LASP1: variants seen among roughly 807,000 people sequenced by gnomAD.
The protein encoded by LASP1 is LIM and SH3 domain protein 1.
A neutral mutation model predicts 38.6 loss-of-function variants in LASP1; 10 were observed. The ratio of observed to expected loss-of-function variants is 0.26; its 90% CI spans 0.16 to 0.44. LASP1 has a LOEUF of 0.44. Among genes scored for constraint, LASP1 ranks in the 20% least tolerant of loss-of-function variants. The probability of loss-of-function intolerance (pLI) is 1.00; values close to 1 mark genes in which losing one functional copy is unlikely to be tolerated. For synonymous variants in LASP1, 132 were observed against 140.8 expected, an observed-to-expected ratio of 0.94 and a Z score of 0.44; for missense variants, 243 against 375.7, an observed-to-expected ratio of 0.65 and a Z score of 2.92.
intron 4 of LASP1, among the ~76,000 whole-genome samples, chr17:38,910,715 C>T (rs948757564): frequency 7.3e-6 from 1 of 136,076 alleles, no homozygotes; most frequent in Non-Finnish European, 1.6e-5. Flanking sequence ...GAGTCAGACA[C>T]AGGTAGTCTG....
In LASP1 at chr17:38,919,706, T is replaced by C; in HGVS notation, c.*928T>C. ...TCTGGGTTAGGTGGCCGCTCCTCCCTGCTCCTCATGGGAAGATGTCTCAGA... is the reference window on the plus strand; with the variant it reads ...TCTGGGTTAGGTGGCCGCTCCTCCCCGCTCCTCATGGGAAGATGTCTCAGA... On this transcript the variant is annotated 3_prime_UTR_variant, in exon 7 of 7. Transcript: ENST00000318008. 2.6e-6 allele frequency: 1 copy of C among 380,752 alleles called. No homozygotes were observed. The highest frequency in any genetic ancestry group is 5.0e-6 in the Non-Finnish European group (1 of 198,772). 23.6% of individuals were successfully genotyped at this position (380,752 alleles called of 1,614,324 possible). A position where few individuals can be genotyped will look rare whatever the true frequency, so the allele number is the denominator to read the frequency against.
At position 38,920,116 on chromosome 17, in the gene LASP1, G is replaced by A. The variant is rs1400234245; in HGVS notation, c.*1338G>A. ...CAATCTGCCCTTTGCAGTGTGCAGG[G>A]TGGAAGGTAAGAGGTTGGTGTGGAG... On this transcript the variant is annotated 3_prime_UTR_variant, in exon 7 of 7. Coordinates refer to ENST00000318008, the MANE Select transcript of LASP1 (RefSeq NM_006148.4). 1.9e-6 allele frequency: 1 copy of A among 536,890 alleles called. No homozygotes were observed. The highest frequency in any genetic ancestry group is 1.5e-5 in the South Asian group (1 of 65,262). The allele number at this position is 536,890 out of a possible 1,614,324, so 33.3% of individuals were successfully genotyped here. A position where few individuals can be genotyped will look rare whatever the true frequency, so the allele number is the denominator to read the frequency against.
At chr17:38,914,848 T>A (rs1915068136) in intron 5 of LASP1, 195 bp from the exon 6 acceptor site, 2 of 609,688 alleles carry the variant, frequency 3.3e-6, no homozygotes, top group East Asian at 5.6e-5. Context: ...GGCCCCCAGG[T>A]CATGGGGCTC....
rs1214385228 is a variant in LASP1 at position 38,915,075 on chromosome 17, C to T, written c.541C>T (p.Gln181Ter). ...YQQPQQQPVA[Q>*]SYGGYKEPAA... ...GCAGCCCCAGCAGCAGCCGGTGGCC[C>T]AGTCCTATGGTGGCTACAAGGAGCC... Residue 181 changes from glutamine to a stop codon, truncating the protein, a stop_gained, in exon 6 of 7, where the codon CAG (glutamine) becomes TAG (stop). Coordinates refer to ENST00000318008, the MANE Select transcript of LASP1 (RefSeq NM_006148.4). LOFTEE classifies it high-confidence loss of function. 6.2e-7 allele frequency: 1 copy of T among 1,613,834 alleles called. No homozygotes were observed. Among genetic ancestry groups the T allele is most frequent in the Non-Finnish European group, 8.5e-7 (1 of 1,179,972 alleles).
intron 3 of LASP1, 148 bp downstream of exon 3, chr17:38,890,652 C>T (rs571273555): frequency 6.6e-5 from 47 of 708,094 alleles, no homozygotes; most frequent in Non-Finnish European, 9.8e-5. Flanking sequence ...AATCTTGACC[C>T]CACCCCTGAC....
chr17:38,875,427 A>G (rs1411632407), intron 1 of LASP1, among the ~76,000 whole-genome samples: 3 of 151,782 alleles, frequency 2.0e-5, no homozygotes, highest in East Asian at 1.9e-4. Context: ...GGTTCTGTCT[A>G]TTGGGTTATG....
At chr17:38,904,826 A>G (rs1355397808) in intron 4 of LASP1, among the ~76,000 whole-genome samples, 2 of 152,246 alleles carry the variant, frequency 1.3e-5, no homozygotes, top group Non-Finnish European at 2.9e-5. Context: ...GGCCTAATCA[A>G]TAGTAAATAG....
intron 1 of LASP1, among the ~76,000 whole-genome samples, chr17:38,870,809 G>T (rs1382442308): frequency 1.3e-5 from 2 of 152,178 alleles, no homozygotes; most frequent in Non-Finnish European, 2.9e-5. Context: ...GGGGGTTTTG[G>T]GTAAGGACCC....
chr17:38,878,497 C>T (rs903367285), intron 2 of LASP1, among the ~76,000 whole-genome samples: 1 of 152,168 alleles, frequency 6.6e-6, no homozygotes, highest in African/African-American at 2.4e-5. Flanking sequence ...AAGGCGAGCA[C>T]GTTTCTTTCC....
At chr17:38,870,699 G>A (rs1913577706) in intron 1 of LASP1, among the ~76,000 whole-genome samples, 1 of 152,074 alleles carries the variant, frequency 6.6e-6, no homozygotes, top group South Asian at 2.1e-4. Flanking sequence ...GGCAGAGGCT[G>A]GGGGGCCCTG....
At chr17:38,895,178 ATTTT>A (rs113759218) in intron 3 of LASP1, among the ~76,000 whole-genome samples, 1 of 145,668 alleles carries the variant, frequency 6.9e-6, no homozygotes, top group Non-Finnish European at 1.5e-5. Context: ...ATTTTTATTA[ATTTT>A]TTTTTTTTTT....
At chr17:38,876,919 G>C (rs1913797177) in intron 1 of LASP1, among the ~76,000 whole-genome samples, 1 of 151,896 alleles carries the variant, frequency 6.6e-6, no homozygotes, top group Non-Finnish European at 1.5e-5. Context: ...TAGCCAGGAT[G>C]GTCTCGATCT....
At chr17:38,895,154 G>A (rs981893906) in intron 3 of LASP1, among the ~76,000 whole-genome samples, 5 of 151,150 alleles carry the variant, frequency 3.3e-5, no homozygotes, top group Admixed American at 6.6e-5. Flanking sequence ...AATAAATTTT[G>A]TATTTTTTTA....
intron 6 of LASP1, among the ~76,000 whole-genome samples, chr17:38,917,394 T>G (rs149209090): frequency 6.6e-6 from 1 of 152,224 alleles, no homozygotes; most frequent in African/African-American, 2.4e-5. Context: ...TAGGATTTAT[T>G]TTTCTTTTTT....
At chr17:38,873,549 A>G (rs1913670320) in intron 1 of LASP1, among the ~76,000 whole-genome samples, 1 of 152,128 alleles carries the variant, frequency 6.6e-6, no homozygotes, top group South Asian at 2.1e-4. Context: ...ATACATATTT[A>G]TATTTTATTT....
intron 2 of LASP1, among the ~76,000 whole-genome samples, chr17:38,882,230 G>A (rs1284979768): frequency 6.6e-6 from 1 of 152,200 alleles, no homozygotes; most frequent in East Asian, 1.9e-4. Context: ...CAGTGGTGGA[G>A]GAAGAACTGC....
chr17:38,883,474 G>T (rs996345820), intron 2 of LASP1, among the ~76,000 whole-genome samples: 1 of 152,196 alleles, frequency 6.6e-6, no homozygotes, highest in African/African-American at 2.4e-5. Context: ...AAAATTGTCT[G>T]CCTCTAACTG....
intron 3 of LASP1, among the ~76,000 whole-genome samples, chr17:38,895,198 G>T (rs2143781147): frequency 6.7e-6 from 1 of 150,166 alleles, no homozygotes; most frequent in East Asian, 2.0e-4. Flanking sequence ...TTTTTAAATA[G>T]AGATGGGGTA....
intron 2 of LASP1, among the ~76,000 whole-genome samples, chr17:38,889,350 T>C (rs1914236472): frequency 6.6e-6 from 1 of 152,172 alleles, no homozygotes; most frequent in Admixed American, 6.5e-5. Flanking sequence ...CAGGCTAGTC[T>C]TGAACTCCTG....
Sources: allele counts gnomAD v4.1 joint callset (sites outside exome capture counted in the v4.1 genomes callset), GRCh38; gene constraint gnomAD v4.1.1; transcripts MANE v1.5; gene names NCBI Gene and HGNC (gene_info 2026-07-23, HGNC 2026-07-21).